Variants in WDPCP observed in about 807,000 individuals in gnomAD.
WDPCP encodes the protein WD repeat-containing and planar cell polarity effector protein fritz homolog.
WDPCP carries 71 observed loss-of-function variants against 93.1 expected under a neutral mutation model. The observed-to-expected ratio is 0.76, with a 90% CI of 0.63 to 0.93. The LOEUF (loss-of-function observed/expected upper bound fraction) is 0.93. WDPCP is among the 40% of genes least tolerant of loss of function. The pLI is 0.00. For synonymous variants in WDPCP, 315 were observed against 315.0 expected (o/e 1.00, Z 0.00); for missense variants, 844 against 887.4 (o/e 0.95, Z 0.62).
At chr2:63,703,859 G>A (rs1161630688) in intron 2 of WDPCP, among the ~76,000 whole-genome samples, 2 of 152,084 alleles carry the variant, frequency 1.3e-5, no homozygotes, top group East Asian at 1.9e-4. Flanking sequence ...AGCTTGATGG[G>A]GATGGCATTG....
intron 12 of WDPCP, among the ~76,000 whole-genome samples, chr2:63,326,694 GAGA>G (rs1444362039): frequency 1.3e-5 from 2 of 151,242 alleles, no homozygotes; most frequent in African/African-American, 4.9e-5. Flanking sequence ...GGAAGTCAAA[GAGA>G]AGGAGACAGA....
At chr2:63,226,358 A>ATTCT (rs1259300151) in intron 14 of WDPCP, among the ~76,000 whole-genome samples, 1 of 151,796 alleles carries the variant, frequency 6.6e-6, no homozygotes, top group Non-Finnish European at 1.5e-5. Context: ...TTTGAACTAA[A>ATTCT]TTCTTTGATA....
At chr2:63,611,743 T>C (rs951651044) in intron 3 of WDPCP, among the ~76,000 whole-genome samples, 24 of 152,208 alleles carry the variant, frequency 1.6e-4, no homozygotes, top group South Asian at 2.1e-4. Context: ...TAGAAATATA[T>C]ACGCTTTCAT....
chr2:63,536,272 C>T (rs1227853009), intron 1 of WDPCP, among the ~76,000 whole-genome samples: 1 of 152,160 alleles, frequency 6.6e-6, no homozygotes, highest in African/African-American at 2.4e-5. Context: ...GGAATGTAAA[C>T]TAGTTCAACC....
chr2:63,439,588 T>C (rs1165812373), intron 7 of WDPCP, among the ~76,000 whole-genome samples, 169 bp downstream of exon 7: 6 of 152,114 alleles, frequency 3.9e-5, no homozygotes, highest in Non-Finnish European at 8.8e-5. Flanking sequence ...TGATATTAAA[T>C]ATTAGTCGAA....
intron 14 of WDPCP, among the ~76,000 whole-genome samples, chr2:63,248,755 T>G (rs1184160671): frequency 6.6e-6 from 1 of 152,158 alleles, no homozygotes; most frequent in Non-Finnish European, 1.5e-5. Flanking sequence ...AAATATCGTA[T>G]CATAAAGTTG....
intron 6 of WDPCP, among the ~76,000 whole-genome samples, chr2:63,446,298 A>G (rs1697861603): frequency 6.6e-6 from 1 of 152,176 alleles, no homozygotes; most frequent in African/African-American, 2.4e-5. Flanking sequence ...CTGTCAGATC[A>G]GCTGCAGCAT....
At chr2:63,372,243 C>T (rs1446412177) in intron 12 of WDPCP, among the ~76,000 whole-genome samples, 1 of 152,112 alleles carries the variant, frequency 6.6e-6, no homozygotes, top group Non-Finnish European at 1.5e-5. Flanking sequence ...CTTGTAAACT[C>T]ACTATCACAG....
intron 12 of WDPCP, among the ~76,000 whole-genome samples, chr2:63,338,507 G>A (rs1412002074): frequency 2.1e-5 from 3 of 142,502 alleles, no homozygotes; most frequent in South Asian, 2.2e-4. Context: ...AGCCGAGATC[G>A]CACCACTGCA....
At chr2:63,223,536 C>A (rs1678014554) in intron 14 of WDPCP, among the ~76,000 whole-genome samples, 1 of 152,068 alleles carries the variant, frequency 6.6e-6, no homozygotes. Flanking sequence ...AGGCCTTATT[C>A]CAGGGCAGTA....
At chr2:63,494,287 T>TGACGACAAC (rs1553411031) in intron 1 of WDPCP, among the ~76,000 whole-genome samples, 4 of 150,334 alleles carry the variant, frequency 2.7e-5, no homozygotes, top group African/African-American at 4.9e-5. Context: ...ATGATGATGA[T>TGACGACAAC]GACGACGACG....
At chr2:63,666,699 T>C (rs1710287250) in intron 2 of WDPCP, among the ~76,000 whole-genome samples, 1 of 152,178 alleles carries the variant, frequency 6.6e-6, no homozygotes, top group Non-Finnish European at 1.5e-5. Flanking sequence ...GTGCTGGGCA[T>C]TTTTCACTTC....
chr2:63,335,033 C>G (rs999486725), intron 12 of WDPCP, among the ~76,000 whole-genome samples: 1 of 152,152 alleles, frequency 6.6e-6, no homozygotes, highest in Non-Finnish European at 1.5e-5. Flanking sequence ...AAATGCATAT[C>G]TGATTGCTTC....
At chr2:63,613,924 T>C (rs745880038) in intron 3 of WDPCP, among the ~76,000 whole-genome samples, 2 of 152,136 alleles carry the variant, frequency 1.3e-5, no homozygotes, top group African/African-American at 2.4e-5. Context: ...CTAGGCAAGA[T>C]TAACCACTGG....
chr2:63,730,492 C>G (rs1254475012), intron 2 of WDPCP, among the ~76,000 whole-genome samples: 1 of 152,158 alleles, frequency 6.6e-6, no homozygotes, highest in Non-Finnish European at 1.5e-5. Context: ...GAGACGGAGT[C>G]TCGCTCTGTT....
intron 12 of WDPCP, among the ~76,000 whole-genome samples, chr2:63,351,247 G>A (rs1198415356): frequency 6.6e-6 from 1 of 152,126 alleles, no homozygotes; most frequent in Non-Finnish European, 1.5e-5. Flanking sequence ...CTCCCAAAGT[G>A]CTGGGATTAT....
chr2:63,544,092 T>A (rs1004927567), intron 1 of WDPCP, among the ~76,000 whole-genome samples: 1 of 152,156 alleles, frequency 6.6e-6, no homozygotes, highest in South Asian at 2.1e-4. Flanking sequence ...TCATTCATTC[T>A]ATTTTAGTAT....
At chr2:63,484,363 A>G (rs900221829) in intron 6 of WDPCP, among the ~76,000 whole-genome samples, 1 of 151,982 alleles carries the variant, frequency 6.6e-6, no homozygotes, top group African/African-American at 2.4e-5. Flanking sequence ...TACAATATGA[A>G]AAGATTTTTA....
Position 63,174,846 on chromosome 2 carries a change from T to C in WDPCP, c.1916-14A>G. 1 of 1,612,654 alleles carries C rather than the reference T, an allele frequency of 6.2e-7. No homozygotes were observed. On this transcript the variant is annotated splice_polypyrimidine_tract_variant and intron_variant, in intron 14 of 17. Coordinates refer to ENST00000272321, the MANE Select transcript of WDPCP (RefSeq NM_015910.7). ...GTCCCAGGAGTTCTGTTGAAAATGA[T>C]TAATATGTGAGTGAAATACTAAGTA...
Sources: allele counts gnomAD v4.1 joint callset (sites outside exome capture counted in the v4.1 genomes callset), GRCh38; gene constraint gnomAD v4.1.1; transcripts MANE v1.5; gene names NCBI Gene and HGNC (gene_info 2026-07-23, HGNC 2026-07-21).